The following ZNF584 variants were observed in gnomAD, a reference collection of about 807,000 sequenced individuals.
The protein encoded by ZNF584 is zinc finger protein 584.
Under a neutral mutation model 14.7 loss-of-function variants are expected in ZNF584, and 12 were observed. That is an observed-to-expected ratio of 0.82 (90% CI 0.52 to 1.32). The LOEUF is 1.32. ZNF584 is among the 40% of genes most tolerant of loss of function. The probability of loss-of-function intolerance (pLI) is 0.00; values close to 1 mark genes in which losing one functional copy is unlikely to be tolerated. For missense variants in ZNF584, 478 were observed against 518.8 expected (o/e 0.92, Z 0.76); for synonymous variants, 204 against 190.9 (o/e 1.07, Z -0.57).
upstream of ZNF584, chr19:58,405,032 A>C (rs1397809054): frequency 5.0e-3 from 409 of 81,562 alleles, no homozygotes; most frequent in Middle Eastern, 0.017. Flanking sequence ...GGCGGCTGGC[A>C]GGGCGGGGGG....
rs910990677 is a variant in ZNF584 at position 58,417,098 on chromosome 19, A to G, written c.580A>G (p.Ser194Gly). 3.1e-6 allele frequency: 5 copies of G among 1,613,930 alleles called. No individual in the cohort carries two copies. The highest frequency in any genetic ancestry group is 1.3e-5 in the African/African-American group (1 of 74,954). ...ACCCTTCAGATGCCCAACAGGCAGA[A>G]GTGCTTTCAAGAAGTCAGCTCATAT... Reference protein sequence around the residue: ...ERPFRCPTGRSAFKKSAHINP... With the variant: ...ERPFRCPTGRGAFKKSAHINP... Residue 194 changes from serine (S) to glycine (G), a missense_variant, in exon 4 of 4, where the codon AGT (serine) becomes GGT (glycine). Coordinates refer to ENST00000306910, the MANE Select transcript of ZNF584 (RefSeq NM_173548.3).
At chr19:58,415,727 G>A in intron 3 of ZNF584, 81 bp downstream of exon 3, 1 of 1,610,238 alleles carries the variant, frequency 6.2e-7, no homozygotes, top group South Asian at 1.1e-5. Context: ...CGATACCTTG[G>A]TGTTGAGGGC....
intron 1 of ZNF584, among the ~76,000 whole-genome samples, chr19:58,401,903 A>AAAAAAAC (rs2052433632): frequency 7.0e-6 from 1 of 143,050 alleles, no homozygotes; most frequent in African/African-American, 2.9e-5. Flanking sequence ...AAAAAAAAAA[A>AAAAAAAC]AGATTTTTTT....
rs190050516 is a variant in ZNF584, at chr19:58,417,772, C to T, written c.1254C>T (p.Val418=). 126 of 1,605,046 alleles carry T rather than the reference C, an allele frequency of 7.9e-5. No homozygotes were observed. In the Admixed American group the frequency reaches 1.8e-3, roughly 23 times the overall value. ...AGGAGGACAGGGCACATGGGAAGGT[C>T]GTTAGCTGCTAGCACCGTGTTCATC... ...RRQEDRAHGK[V]VSC The change falls in exon 4 of 4, where the codon GTC becomes GTT. Residue 418 remains valine, a synonymous_variant. Transcript: ENST00000306910.
In ZNF584 at chr19:58,417,290, G is replaced by T; in HGVS notation, c.772G>T (p.Val258Phe). The change falls in exon 4 of 4, where the codon GTT (valine) becomes TTT (phenylalanine). Residue 258 changes from valine to phenylalanine, a missense_variant. Val to Phe is a conservative substitution (Grantham distance 50). This residue lies in a region of ZNF584 where 283 missense variants were observed against 317.3 expected (regional missense o/e 0.89). Transcript: ENST00000306910. ...AACCTTCAACCGCAAAGACGCACTT[G>T]TTCTACACCAGAGGATTCACACTGG... ...GKTFNRKDAL[V>F]LHQRIHTGER... 6.2e-7 allele frequency: 1 copy of T among 1,614,190 alleles called. No homozygotes were observed. The highest frequency in any genetic ancestry group is 8.5e-7 in the Non-Finnish European group (1 of 1,180,040).
intron 2 of ZNF584, among the ~76,000 whole-genome samples, chr19:58,410,777 A>ATTTTTT (rs1491122996): frequency 7.4e-4 from 6 of 8,068 alleles, no homozygotes; most frequent in Non-Finnish European, 1.7e-3. Flanking sequence ...ATATATATAT[A>ATTTTTT]ATTTTTTTTT....
intron 1 of ZNF584, among the ~76,000 whole-genome samples, chr19:58,402,621 G>A (rs1428298749): frequency 6.6e-6 from 1 of 151,942 alleles, no homozygotes; most frequent in South Asian, 2.1e-4. Context: ...TCAGGAGTTC[G>A]AGACCAGCCT....
At chr19:58,409,260 A>T in intron 1 of ZNF584, 95 bp downstream of exon 1, 1 of 1,309,282 alleles carries the variant, frequency 7.6e-7, no homozygotes, top group Non-Finnish European at 1.0e-6. Flanking sequence ...AGATCTGCGT[A>T]TGATTCCAGG....
At chr19:58,416,105 C>A in intron 3 of ZNF584, 2 of 702,834 alleles carry the variant, frequency 2.8e-6, no homozygotes, top group Non-Finnish European at 4.7e-6. Context: ...GGAGACCCCA[C>A]CTCTCTTCCC....
intron 2 of ZNF584, among the ~76,000 whole-genome samples, chr19:58,412,197 G>GCCTTTTTTTTTT (rs1225346355): frequency 2.0e-5 from 2 of 97,980 alleles, no homozygotes; most frequent in Admixed American, 9.3e-5. Context: ...GGCCAGGGTG[G>GCCTTTTTTTTTT]TCTTTTTTTT....
intron 1 of ZNF584, among the ~76,000 whole-genome samples, chr19:58,401,921 T>C (rs1483119798): frequency 7.2e-6 from 1 of 139,454 alleles, no homozygotes; most frequent in African/African-American, 3.2e-5. Flanking sequence ...TTTTTTTTTT[T>C]AGCCGGACGT....
upstream of ZNF584, among the ~76,000 whole-genome samples, chr19:58,403,699 G>A (rs1331681449): frequency 1.3e-5 from 2 of 152,064 alleles, no homozygotes; most frequent in Non-Finnish European, 2.9e-5. Context: ...GGCCGGGTGC[G>A]GTAGCTCATG....
chr19:58,417,876 A>G lies in ZNF584; in HGVS notation c.*92A>G, dbSNP rs1420454379. On this transcript the variant is annotated 3_prime_UTR_variant, in exon 4 of 4. Transcript: ENST00000306910. ...ATCCGAAAGAAGCTAAACCTTGCAC[A>G]TCCCAACACCCACCCCAGGGAGAGT... 2.1e-6 allele frequency: 3 copies of G among 1,456,728 alleles called. No homozygotes were observed. The East Asian group carries it at 6.8e-5, about 33-fold the overall frequency. The allele number at this position is 1,456,728 out of a possible 1,614,324, so 90.2% of individuals were successfully genotyped here. A position where few individuals can be genotyped will look rare whatever the true frequency, so the allele number is the denominator to read the frequency against.
intron 2 of ZNF584, among the ~76,000 whole-genome samples, chr19:58,412,060 C>T (rs1861260392): frequency 2.0e-5 from 3 of 148,096 alleles, no homozygotes; most frequent in South Asian, 4.3e-4. Flanking sequence ...CGGCTCATTG[C>T]AACCTCCACC....
intron 3 of ZNF584, chr19:58,416,039 C>T: frequency 7.0e-7 from 1 of 1,438,114 alleles, no homozygotes; most frequent in South Asian, 1.3e-5. Context: ...CCTCATAGTG[C>T]TTGGCTGTCA....
chr19:58,403,289 T>C (rs769709269), intron 1 of ZNF584, among the ~76,000 whole-genome samples: 1 of 152,228 alleles, frequency 6.6e-6, no homozygotes, highest in African/African-American at 2.4e-5. Flanking sequence ...CTTCAATAGA[T>C]AAATGGCTAA....
intron 2 of ZNF584, among the ~76,000 whole-genome samples, chr19:58,413,816 CTTTTCTTT>C (rs1196054704): frequency 2.0e-5 from 3 of 150,782 alleles, no homozygotes; most frequent in East Asian, 3.9e-4. Flanking sequence ...TTTTTCTTTT[CTTTTCTTT>C]TTTTCTTTTT....
At chr19:58,404,880 CT>C (rs2052454782), upstream of ZNF584, 1 of 150,422 alleles carries the variant, frequency 6.6e-6, no homozygotes, top group African/African-American at 2.8e-5. Flanking sequence ...CCCCCCCCAC[CT>C]CCCTCCTGGA....
chr19:58,414,538 T>G (rs931627816), intron 2 of ZNF584, among the ~76,000 whole-genome samples: 2 of 151,608 alleles, frequency 1.3e-5, no homozygotes, highest in Admixed American at 1.3e-4. Context: ...GAGATGGGGT[T>G]TCACTGTGTT....
Sources: allele counts gnomAD v4.1 joint callset (sites outside exome capture counted in the v4.1 genomes callset), GRCh38; gene constraint gnomAD v4.1.1; regional missense constraint gnomAD v4.1.1; transcripts MANE v1.5; gene names NCBI Gene and HGNC (gene_info 2026-07-23, HGNC 2026-07-21).